LRBA: variants seen among roughly 807,000 people sequenced by gnomAD.
LRBA encodes LPS responsive beige-like anchor protein.
Under a neutral mutation model 330.0 loss-of-function variants are expected in LRBA, and 176 were observed. The observed-to-expected ratio is 0.53, with a 90% CI of 0.47 to 0.60. The LOEUF is 0.60. Ranked by LOEUF, LRBA falls within the 20% of genes least tolerant of loss-of-function variation. The pLI is 0.00. For missense variants in LRBA, 3,259 were observed against 3,444.8 expected, an observed-to-expected ratio of 0.95 and a Z score of 1.35; for synonymous variants, 1,230 against 1,193.0, an observed-to-expected ratio of 1.03 and a Z score of -0.64.
chr4:150,724,622 T>C (rs914396769), intron 36 of LRBA, among the ~76,000 whole-genome samples: 5 of 152,044 alleles, frequency 3.3e-5, no homozygotes, highest in Non-Finnish European at 7.4e-5. Flanking sequence ...CAGAGACATA[T>C]GACAACTAAG....
At chr4:150,800,079 C>T (rs930915057) in intron 33 of LRBA, among the ~76,000 whole-genome samples, 1 of 152,178 alleles carries the variant, frequency 6.6e-6, no homozygotes, top group African/African-American at 2.4e-5. Flanking sequence ...AAATTTCACA[C>T]ATACACATTT....
At chr4:150,919,106 TG>T (rs1318365166) in intron 5 of LRBA, among the ~76,000 whole-genome samples, 12 of 152,272 alleles carry the variant, frequency 7.9e-5, no homozygotes. Flanking sequence ...TGCTGTACCA[TG>T]GATGGACCTT....
At chr4:150,677,186 A>C (rs1339594216) in intron 37 of LRBA, among the ~76,000 whole-genome samples, 1 of 152,194 alleles carries the variant, frequency 6.6e-6, no homozygotes, top group African/African-American at 2.4e-5. Context: ...TACTATGCTA[A>C]GAACTACAGA....
At chr4:150,425,465 T>C (rs1749451826) in intron 46 of LRBA, among the ~76,000 whole-genome samples, 5 of 152,170 alleles carry the variant, frequency 3.3e-5, no homozygotes, top group Admixed American at 3.3e-4. Flanking sequence ...AGATAAAAAT[T>C]TGAAAGGTTC....
At chr4:150,552,277 TAAG>T (rs968190873) in intron 40 of LRBA, among the ~76,000 whole-genome samples, 2 of 152,140 alleles carry the variant, frequency 1.3e-5, no homozygotes, top group Non-Finnish European at 2.9e-5. Flanking sequence ...GTCAGAAAGT[TAAG>T]AATATTATAC....
At chr4:150,287,149 G>A (rs1181372592) in intron 53 of LRBA, among the ~76,000 whole-genome samples, 1 of 152,180 alleles carries the variant, frequency 6.6e-6, no homozygotes, top group African/African-American at 2.4e-5. Flanking sequence ...ATGGAACTCT[G>A]TGGAAGAGAA....
chr4:150,728,130 G>T (rs935558011), intron 36 of LRBA, among the ~76,000 whole-genome samples: 5 of 152,054 alleles, frequency 3.3e-5, no homozygotes, highest in Non-Finnish European at 5.9e-5. Context: ...TCAATTCCTA[G>T]ATACATAAAC....
At chr4:150,870,791 A>C (rs1277415343) in intron 19 of LRBA, among the ~76,000 whole-genome samples, 185 bp from the exon 20 acceptor site, 1 of 152,218 alleles carries the variant, frequency 6.6e-6, no homozygotes, top group Non-Finnish European at 1.5e-5. Flanking sequence ...TTATTACTCT[A>C]TGTTTTCTTA....
chr4:150,716,661 A>G (rs1248250364), intron 36 of LRBA, among the ~76,000 whole-genome samples: 1 of 152,202 alleles, frequency 6.6e-6, no homozygotes, highest in Non-Finnish European at 1.5e-5. Flanking sequence ...AAAAGCAGCT[A>G]CTTAAGAGGA....
chr4:150,433,555 G>C (rs1278030820), intron 46 of LRBA, among the ~76,000 whole-genome samples: 1 of 151,740 alleles, frequency 6.6e-6, no homozygotes, highest in Non-Finnish European at 1.5e-5. Context: ...AGCAAACTTA[G>C]GTATGAGGTT....
At chr4:150,380,003 TAAAAAAAAA>T (rs371691815) in intron 47 of LRBA, among the ~76,000 whole-genome samples, 223 of 115,174 alleles carry the variant, frequency 1.9e-3, no homozygotes, top group Admixed American at 2.8e-3. Context: ...TTTCTACTAC[TAAAAAAAAA>T]AAAAAAAAAA....
chr4:150,822,457 T>C (rs1329688077), intron 30 of LRBA, among the ~76,000 whole-genome samples: 2 of 152,106 alleles, frequency 1.3e-5, no homozygotes, highest in South Asian at 2.1e-4. Context: ...CACTAACAAA[T>C]CTAAATAAAT....
At chr4:150,632,204 C>T (rs1421484104) in intron 37 of LRBA, among the ~76,000 whole-genome samples, 1 of 149,194 alleles carries the variant, frequency 6.7e-6, no homozygotes, top group Non-Finnish European at 1.5e-5. Flanking sequence ...GCACTCCAGC[C>T]TGGGAGACAG....
intron 49 of LRBA, among the ~76,000 whole-genome samples, chr4:150,324,554 CAA>C (rs1355384003): frequency 2.1e-5 from 3 of 141,560 alleles, no homozygotes; most frequent in African/African-American, 8.0e-5. Context: ...AAGAAAATGA[CAA>C]AGAGCACAGA....
intron 47 of LRBA, among the ~76,000 whole-genome samples, chr4:150,404,483 C>G (rs1283440327): frequency 1.3e-5 from 2 of 152,086 alleles, no homozygotes; most frequent in Admixed American, 6.5e-5. Context: ...AGGGTAGGCT[C>G]ATACTGCAAT....
rs550792718 is a variant in LRBA at position 150,322,645 on chromosome 4, A to G, written c.7453-1277T>C. Among the ~76,000 whole-genome samples the G allele has an allele frequency of 7.2e-5, 11 of 152,338 alleles. No homozygotes were observed. The East Asian group carries it at 2.1e-3, about 29-fold the overall frequency. The stretch of plus-strand genomic sequence containing the variant: ...AAGAGTACTTAGAAAAACATATTGC[A>G]CTAAGAATTCCTATTTGCACTCTTT... On this transcript the variant is annotated intron_variant, in intron 49 of 56. Transcript: ENST00000651943.
At chr4:150,811,776 A>C (rs1191249054) in intron 31 of LRBA, among the ~76,000 whole-genome samples, 1 of 152,176 alleles carries the variant, frequency 6.6e-6, no homozygotes, top group Non-Finnish European at 1.5e-5. Flanking sequence ...AAGTGCTGGG[A>C]CTACAGGTGT....
chr4:150,325,746 T>C, intron 49 of LRBA, 63 bp downstream of exon 49: 1 of 1,113,604 alleles, frequency 9.0e-7, no homozygotes, highest in Non-Finnish European at 1.4e-6. Flanking sequence ...TGAAAGACTG[T>C]TATGAATATC....
chr4:150,870,593 T>A lies in LRBA; in HGVS notation c.2381A>T (p.Gln794Leu), dbSNP rs749633644. ...TTTATGTATCACCTGAGTACCAATC[T>A]GTTCTATAAGAATCTACAGAAGTAA... ...YNVLFEILIE[Q>L]IGTQVIHKQH... Residue 794 changes from glutamine (Q) to leucine (L), a missense_variant, in exon 20 of 57, where the codon CAG becomes CTG. By Grantham distance (113) the Gln-to-Leu change is moderately radical (BLOSUM62 -2). Coordinates refer to ENST00000651943, the MANE Select transcript of LRBA (RefSeq NM_001364905.1). The A allele has an allele frequency of 2.6e-6, 4 of 1,553,076 alleles. No individual in the cohort carries two copies. In the East Asian group the frequency reaches 6.7e-5, roughly 26 times the overall value.
Sources: allele counts gnomAD v4.1 joint callset (sites outside exome capture counted in the v4.1 genomes callset), GRCh38; gene constraint gnomAD v4.1.1; transcripts MANE v1.5; gene names NCBI Gene and HGNC (gene_info 2026-07-23, HGNC 2026-07-21).